KCNQ1: variants seen among roughly 807,000 people sequenced by gnomAD.
KCNQ1 encodes potassium voltage-gated channel subfamily Q member 1.
Under a neutral mutation model 72.4 loss-of-function variants are expected in KCNQ1, and 49 were observed. The ratio of observed to expected loss-of-function variants is 0.68; its 90% confidence interval spans 0.54 to 0.86. The LOEUF (loss-of-function observed/expected upper bound fraction) is 0.86, where lower values mean the gene tolerates loss of function less well. Ranked by LOEUF, KCNQ1 falls within the 40% of genes least tolerant of loss-of-function variation. The probability of loss-of-function intolerance (pLI) is 0.00; values close to 1 mark genes in which losing one functional copy is unlikely to be tolerated. For synonymous variants in KCNQ1, 450 were observed against 412.6 expected (o/e 1.09, Z -1.10); for missense variants, 790 against 945.1 (o/e 0.84, Z 2.15).
rs1343296020 is a variant in KCNQ1, at chr11:2,479,954, CA to C, written c.386+34473del. On this transcript the variant is annotated intron_variant, in intron 1 of 15. Transcript: ENST00000155840. The surrounding 1 kb of genome is among the most constrained non-coding windows in gnomAD (Gnocchi z 4.6). Reference sequence around the variant, plus strand: ...CATCTCCCTCAAGTTCAAAGTTCCACAAATCTCTAGGGCAGTGGTAAAATAC... The same window carrying C: ...CATCTCCCTCAAGTTCAAAGTTCCACAATCTCTAGGGCAGTGGTAAAATAC... 6.6e-6 allele frequency among the ~76,000 whole-genome samples: 1 copy of C among 152,196 alleles called. No individual in the cohort carries two copies. The highest frequency in any genetic ancestry group is 2.4e-5 in the African/African-American group (1 of 41,440).
chr11:2,533,566 G>A (rs944654988), intron 2 of KCNQ1, among the ~76,000 whole-genome samples: 2 of 152,258 alleles, frequency 1.3e-5, no homozygotes, highest in Non-Finnish European at 2.9e-5. Context: ...CTCAGTGTAC[G>A]TGTGCGTGCC....
intron 11 of KCNQ1, among the ~76,000 whole-genome samples, chr11:2,756,482 T>G (rs113212566): frequency 2.0e-5 from 3 of 148,580 alleles, no homozygotes; most frequent in Non-Finnish European, 4.5e-5. Context: ...ACACATATAG[T>G]TTCAATAATA....
chr11:2,829,539 T>C (rs1847901165), intron 15 of KCNQ1, among the ~76,000 whole-genome samples: 1 of 152,248 alleles, frequency 6.6e-6, no homozygotes, highest in Non-Finnish European at 1.5e-5. Context: ...AGTTATATAC[T>C]GTTTGTGTAA....
Position 2,657,995 on chromosome 11 carries a change from T to C in KCNQ1, c.1394-3966T>C. On this transcript the variant is annotated intron_variant, in intron 10 of 15. Coordinates refer to ENST00000155840, the MANE Select transcript of KCNQ1 (RefSeq NM_000218.3). The surrounding 1 kb of genome is among the most constrained non-coding windows in gnomAD (Gnocchi z 4.8). ...GTCGGCCAGGCTCCTCCACTGTAAG[T>C]GAATAGCTGTTTTTCCCTTTCCATA... 1 of 398,588 alleles carries C rather than the reference T, an allele frequency of 2.5e-6. No homozygotes were observed. Among genetic ancestry groups the C allele is most frequent in the Non-Finnish European group, 4.4e-6 (1 of 226,054 alleles). 24.7% of individuals were successfully genotyped at this position (398,588 alleles called of 1,614,324 possible).
rs966792222 is a variant in KCNQ1, at chr11:2,828,557, T to G, written c.1795-19210T>G. On this transcript the variant is annotated intron_variant, in intron 15 of 15. Transcript: ENST00000155840. The surrounding 1 kb of genome is among the most constrained non-coding windows in gnomAD (Gnocchi z 5.3). ...AGAAGAGCCACCAAGAATGAGGCAG[T>G]TCCCAACCCAGGACCCTGACAGGCA... Among the ~76,000 whole-genome samples the G allele has an allele frequency of 6.7e-6, 1 of 150,122 alleles. No individual in the cohort carries two copies. Among genetic ancestry groups the G allele is most frequent in the Non-Finnish European group, 1.5e-5 (1 of 67,226 alleles).
intron 15 of KCNQ1, among the ~76,000 whole-genome samples, chr11:2,791,403 G>C (rs929983776): frequency 2.6e-5 from 4 of 152,218 alleles, no homozygotes; most frequent in Non-Finnish European, 5.9e-5. Context: ...AGAAAAACAT[G>C]TATTTTGGTC....
rs1195544504 is a variant in KCNQ1, at chr11:2,602,743, A to C, written c.1393+13889A>C. Among the ~76,000 whole-genome samples, 1 of 152,184 alleles carries C rather than the reference A, an allele frequency of 6.6e-6. No homozygotes were observed. The highest frequency in any genetic ancestry group is 2.4e-5 in the African/African-American group (1 of 41,432). The stretch of plus-strand genomic sequence containing the variant: ...ATTCTATGCAGTGAAATTCTTGTTG[A>C]TATCATTTTTCCATTTCCCAATTAG... On this transcript the variant is annotated intron_variant, in intron 10 of 15. Coordinates refer to ENST00000155840, the MANE Select transcript of KCNQ1 (RefSeq NM_000218.3). This position sits in a 1 kb window ranked among gnomAD's most constrained non-coding sequence, Gnocchi z 4.8.
chr11:2,630,551 A>G (rs183780841), intron 10 of KCNQ1: 6 of 398,330 alleles, frequency 1.5e-5, no homozygotes, highest in African/African-American at 1.2e-4. Context: ...TTGAGAAATT[A>G]TGAAAACAAT....
Position 2,481,596 on chromosome 11 carries a change from A to G in KCNQ1, c.386+36112A>G, listed in dbSNP as rs1052608602. 6.6e-6 allele frequency among the ~76,000 whole-genome samples: 1 copy of G among 152,194 alleles called. No individual in the cohort carries two copies. The highest frequency in any genetic ancestry group is 1.5e-5 in the Non-Finnish European group (1 of 68,040). On this transcript the variant is annotated intron_variant, in intron 1 of 15. Transcript: ENST00000155840. The surrounding 1 kb of genome is among the most constrained non-coding windows in gnomAD (Gnocchi z 4.6). ...GTGGCAGGTGAGCAAGTGAAGCTTC[A>G]TCTGTATTTACAGTCACTCCCCATC...
intron 11 of KCNQ1, among the ~76,000 whole-genome samples, chr11:2,709,188 G>T (rs1470701750): frequency 6.6e-6 from 1 of 151,944 alleles, no homozygotes; most frequent in Non-Finnish European, 1.5e-5. Context: ...CCTGGAGCGT[G>T]GGAGCCTCCA....
chr11:2,561,016 CACGGTGAA>C (rs1345284828), intron 2 of KCNQ1, among the ~76,000 whole-genome samples: 1 of 151,754 alleles, frequency 6.6e-6, no homozygotes, highest in African/African-American at 2.4e-5. Flanking sequence ...TCCTGGCTAA[CACGGTGAA>C]ACCCCGTCTC....
Position 2,538,232 on chromosome 11 carries a change from C to T in KCNQ1, c.477+10214C>T, listed in dbSNP as rs1007183700. 6.6e-5 allele frequency among the ~76,000 whole-genome samples: 10 copies of T among 152,200 alleles called. No homozygotes were observed. Among genetic ancestry groups the T allele is most frequent in the African/African-American group, 2.4e-4 (10 of 41,452 alleles). ...GTTTTTTCTCATTGCACATGGCTGT[C>T]ACGCGGTTTCAGCTTCTTTGACCTG... On this transcript the variant is annotated intron_variant, in intron 2 of 15. Coordinates refer to ENST00000155840, the MANE Select transcript of KCNQ1 (RefSeq NM_000218.3). The surrounding 1 kb of genome is among the most constrained non-coding windows in gnomAD (Gnocchi z 6.7).
chr11:2,679,458 T>C lies in KCNQ1; in HGVS notation c.1514+17377T>C, dbSNP rs142258639. ...TTAGGAGGATTACACAAATTAATAA[T>C]ATAAAGTATGCAGAAAAGTGCCTGT... is the stretch of plus-strand genomic sequence containing the variant. On this transcript the variant is annotated intron_variant, in intron 11 of 15. Transcript: ENST00000155840. The surrounding 1 kb of genome is among the most constrained non-coding windows in gnomAD (Gnocchi z 4.8). The C allele has an allele frequency of 5.4e-3, 2,167 of 398,598 alleles. 20 individuals carry two copies. The highest frequency in any genetic ancestry group is 0.018 in the Middle Eastern group (28 of 1,588). The allele number at this position is 398,598 out of a possible 1,614,324, so 24.7% of individuals were successfully genotyped here.
rs1225608901 is a variant in KCNQ1 at position 2,848,340 on chromosome 11, G to T, written c.*337G>T. The T allele has an allele frequency of 1.7e-6, 1 of 572,188 alleles. No homozygotes were observed. The highest frequency in any genetic ancestry group is 3.3e-6 in the Non-Finnish European group (1 of 302,442). 35.4% of individuals were successfully genotyped at this position (572,188 alleles called of 1,614,324 possible). On this transcript the variant is annotated 3_prime_UTR_variant, in exon 16 of 16. Transcript: ENST00000155840. ...CTGGCCCATGTATGGCCAGGAAGTA[G>T]CACAGGCTGAGTGCAGGCCCACCCT...
intron 6 of KCNQ1, among the ~76,000 whole-genome samples, chr11:2,578,819 C>T (rs1848458860): frequency 6.6e-6 from 1 of 152,272 alleles, no homozygotes; most frequent in East Asian, 1.9e-4. Flanking sequence ...GCCTCTTAGC[C>T]CATCTCTGCC....
intron 15 of KCNQ1, among the ~76,000 whole-genome samples, chr11:2,779,541 G>C (rs1846779712): frequency 6.6e-6 from 1 of 152,174 alleles, no homozygotes; most frequent in Admixed American, 6.5e-5. Flanking sequence ...GGACAGCACA[G>C]GCTGGGGACA....
intron 1 of KCNQ1, chr11:2,521,332 C>T (rs1385113164): frequency 2.1e-5 from 7 of 330,126 alleles, no homozygotes; most frequent in East Asian, 8.7e-5. Context: ...CGGTGGATTT[C>T]GCTGCTCTGG....
intron 11 of KCNQ1, among the ~76,000 whole-genome samples, chr11:2,751,821 A>G (rs149212623): frequency 4.6e-5 from 7 of 152,350 alleles, no homozygotes; most frequent in African/African-American, 1.7e-4. Flanking sequence ...TGCCTCTCCC[A>G]CTGGCTCAGG....
Position 2,744,519 on chromosome 11 carries a change from T to C in KCNQ1, c.1515-24325T>C, listed in dbSNP as rs1224907627. On this transcript the variant is annotated intron_variant, in intron 11 of 15. Transcript: ENST00000155840. ...CGCAGAGCCGGCACATGAGGTGGCG[T>C]TCCCTCACTCTCTCATTCATTCATT... is the stretch of plus-strand genomic sequence containing the variant. 3.3e-5 allele frequency among the ~76,000 whole-genome samples: 5 copies of C among 152,190 alleles called. No homozygotes were observed. In the East Asian group the frequency reaches 9.6e-4, roughly 29 times the overall value.
Sources: allele counts gnomAD v4.1 joint callset (sites outside exome capture counted in the v4.1 genomes callset), GRCh38; gene constraint gnomAD v4.1.1; non-coding constraint Gnocchi (gnomAD v3.1); transcripts MANE v1.5; gene names NCBI Gene and HGNC (gene_info 2026-07-23, HGNC 2026-07-21).